Variants in VAPB observed in about 807,000 individuals in gnomAD.
VAPB encodes vesicle-associated membrane protein-associated protein B/C.
Under a neutral mutation model 25.6 loss-of-function variants are expected in VAPB, and 7 were observed. The ratio of observed to expected loss-of-function variants is 0.27; its 90% CI spans 0.16 to 0.51. VAPB has a LOEUF of 0.51. VAPB is among the 20% of genes least tolerant of loss of function. The pLI, the probability that VAPB is intolerant of heterozygous loss-of-function variation, is 0.97. For missense variants in VAPB, 266 were observed against 301.3 expected (o/e 0.88, Z 0.87); for synonymous variants, 112 against 109.2 (o/e 1.03, Z -0.16).
chr20:58,400,708 A>C (rs1173273258), intron 1 of VAPB, among the ~76,000 whole-genome samples: 1 of 152,060 alleles, frequency 6.6e-6, no homozygotes, highest in Non-Finnish European at 1.5e-5. Flanking sequence ...ACAACCCTGG[A>C]TTTGGTCATC....
rs34649242 is a variant in VAPB at position 58,409,904 on chromosome 20, TACACACACAC to T, written c.59-8285_59-8276del. On this transcript the variant is annotated intron_variant, in intron 1 of 5. Transcript: ENST00000475243. ...GCACAACAAAGAATCTTTATTCATA[TACACACACAC>T]ACACACACACACACACACACAATAC... Among the ~76,000 whole-genome samples, 339 of 148,224 alleles carry T rather than the reference TACACACACAC, an allele frequency of 2.3e-3. 1 individual carries two copies. The highest frequency in any genetic ancestry group is 7.6e-3 in the African/African-American group (307 of 40,284).
chr20:58,397,298 T>A (rs1234881268), intron 1 of VAPB, among the ~76,000 whole-genome samples: 1 of 152,080 alleles, frequency 6.6e-6, no homozygotes, highest in African/African-American at 2.4e-5. Flanking sequence ...GGCAGGCAGA[T>A]CAACTGAGGT....
intron 1 of VAPB, among the ~76,000 whole-genome samples, chr20:58,416,270 A>T (rs1299517136): frequency 6.6e-6 from 1 of 152,162 alleles, no homozygotes. Context: ...ATTAACTGTG[A>T]TGTAATAGAT....
In VAPB at chr20:58,444,972, T is replaced by C. The variant is rs1989250151; in HGVS notation, c.*737T>C. The C allele has an allele frequency of 2.2e-6, 1 of 454,624 alleles. No individual in the cohort carries two copies. The highest frequency in any genetic ancestry group is 2.3e-5 in the Admixed American group (1 of 42,564). 28.2% of individuals were successfully genotyped at this position (454,624 alleles called of 1,614,324 possible). On this transcript the variant is annotated 3_prime_UTR_variant, in exon 6 of 6. Coordinates refer to ENST00000475243, the MANE Select transcript of VAPB (RefSeq NM_004738.5). ...AACTTATTTAATGTATTTCATCTCA[T>C]GTTTTCTTATTGTCACAAGAGTACA...
intron 2 of VAPB, among the ~76,000 whole-genome samples, chr20:58,421,541 T>C (rs979505552): frequency 6.6e-6 from 1 of 152,214 alleles, no homozygotes; most frequent in African/African-American, 2.4e-5. Flanking sequence ...CAGCTTAAAA[T>C]ACTGCTAGCA....
intron 1 of VAPB, among the ~76,000 whole-genome samples, chr20:58,394,598 T>C (rs1002171402): frequency 3.9e-5 from 6 of 152,268 alleles, no homozygotes; most frequent in African/African-American, 1.4e-4. Flanking sequence ...GCATTAAACT[T>C]ACTAAACTTG....
rs570716807 is a variant in VAPB at position 58,447,255 on chromosome 20, A to G, written c.*3020A>G. ...GTAACTTAAGCTTCCTTGGCACGAT[A>G]CAAAATACCTCTTAAAGACAGCAGG... On this transcript the variant is annotated 3_prime_UTR_variant, in exon 6 of 6. Coordinates refer to ENST00000475243, the MANE Select transcript of VAPB (RefSeq NM_004738.5). The G allele has an allele frequency of 6.4e-4, 292 of 454,158 alleles. 1 individual carries two copies. Among genetic ancestry groups the G allele is most frequent in the Middle Eastern group, 2.8e-3 (4 of 1,444 alleles). The allele number at this position is 454,158 out of a possible 1,614,324, so 28.1% of individuals were successfully genotyped here. A position where few individuals can be genotyped will look rare whatever the true frequency, so the allele number is the denominator to read the frequency against.
chr20:58,402,974 C>T (rs1376620434), intron 1 of VAPB, among the ~76,000 whole-genome samples: 1 of 152,138 alleles, frequency 6.6e-6, no homozygotes, highest in East Asian at 1.9e-4. Context: ...CACTGCACTC[C>T]ACTCTGGGTG....
rs886056819 is a variant in VAPB at position 58,447,495 on chromosome 20, C to T, written c.*3260C>T. The stretch of plus-strand genomic sequence containing the variant: ...GAAAAATGAAGAACCTCCAGTGATC[C>T]GTGAAAACCTAAACGCTTTCAAACA... On this transcript the variant is annotated 3_prime_UTR_variant, in exon 6 of 6. Transcript: ENST00000475243. 3.1e-5 allele frequency: 14 copies of T among 453,946 alleles called. No homozygotes were observed. The highest frequency in any genetic ancestry group is 1.0e-4 in the African/African-American group (5 of 49,976). The allele number at this position is 453,946 out of a possible 1,614,324, so 28.1% of individuals were successfully genotyped here.
At chr20:58,436,666 A>T (rs1989052723) in intron 3 of VAPB, among the ~76,000 whole-genome samples, 1 of 152,026 alleles carries the variant, frequency 6.6e-6, no homozygotes, top group African/African-American at 2.4e-5. Flanking sequence ...TTTTATTGTG[A>T]TATACAGAAA....
intron 1 of VAPB, among the ~76,000 whole-genome samples, chr20:58,409,151 A>G (rs2123041478): frequency 6.6e-6 from 1 of 152,150 alleles, no homozygotes; most frequent in East Asian, 1.9e-4. Context: ...CTATGCCTGC[A>G]AGTGCTCTAG....
intron 3 of VAPB, 128 bp from the exon 4 acceptor site, chr20:58,438,817 G>C (rs2234489): frequency 1.3e-6 from 1 of 750,304 alleles, no homozygotes. Context: ...GCAGACTTCA[G>C]TTCTTTATTT....
At chr20:58,423,007 C>G (rs934042341) in intron 2 of VAPB, among the ~76,000 whole-genome samples, 1 of 152,140 alleles carries the variant, frequency 6.6e-6, no homozygotes, top group Non-Finnish European at 1.5e-5. Context: ...GTGTCTGAAT[C>G]TGTATTTTAA....
intron 2 of VAPB, among the ~76,000 whole-genome samples, chr20:58,420,726 G>A (rs1019233936): frequency 2.6e-5 from 4 of 152,294 alleles, no homozygotes; most frequent in African/African-American, 9.6e-5. Flanking sequence ...GAGCTCCTTT[G>A]TTATTATTTG....
At chr20:58,402,731 G>A (rs541908237) in intron 1 of VAPB, among the ~76,000 whole-genome samples, 4 of 152,196 alleles carry the variant, frequency 2.6e-5, no homozygotes, top group Admixed American at 6.6e-5. Flanking sequence ...GATGCCAGGC[G>A]CAATGGCTCA....
rs748612678 is a variant in VAPB at position 58,446,844 on chromosome 20, G to A, written c.*2609G>A. ...CAGGAAAAGAAAGAATGTGGAGCAC[G>A]CGTGGCTCCTGGAGGACTTGGAGAT... is the stretch of plus-strand genomic sequence containing the variant. On this transcript the variant is annotated 3_prime_UTR_variant, in exon 6 of 6. Transcript: ENST00000475243. The A allele has an allele frequency of 4.2e-5, 19 of 453,976 alleles. No individual in the cohort carries two copies. The East Asian group carries it at 5.6e-4, about 13-fold the overall frequency. 28.1% of individuals were successfully genotyped at this position (453,976 alleles called of 1,614,324 possible). A position where few individuals can be genotyped will look rare whatever the true frequency, so the allele number is the denominator to read the frequency against.
intron 2 of VAPB, among the ~76,000 whole-genome samples, chr20:58,426,123 T>C (rs1319558878): frequency 6.6e-6 from 1 of 152,182 alleles, no homozygotes. Context: ...CTCAAACTCC[T>C]GGCCTCAAGT....
chr20:58,389,649 C>G, intron 1 of VAPB, 132 bp downstream of exon 1: 2 of 976,690 alleles, frequency 2.0e-6, no homozygotes, highest in East Asian at 3.5e-5. Flanking sequence ...GCGGCGAGGC[C>G]GGGCCGGGCC....
chr20:58,412,304 G>A (rs190949987), intron 1 of VAPB, among the ~76,000 whole-genome samples: 33 of 152,206 alleles, frequency 2.2e-4, no homozygotes, highest in African/African-American at 6.5e-4. Flanking sequence ...TTATGGCTGG[G>A]CGTGGAGGCT....
Sources: allele counts gnomAD v4.1 joint callset (sites outside exome capture counted in the v4.1 genomes callset), GRCh38; gene constraint gnomAD v4.1.1; transcripts MANE v1.5; gene names NCBI Gene and HGNC (gene_info 2026-07-23, HGNC 2026-07-21).